The following PRORP variants were observed in gnomAD, a reference collection of about 807,000 sequenced individuals.
PRORP encodes mitochondrial ribonuclease P catalytic subunit.
A neutral mutation model predicts 59.4 loss-of-function variants in PRORP; 51 were observed. The observed-to-expected ratio is 0.86, with a 90% confidence interval of 0.69 to 1.08. PRORP has a LOEUF of 1.08. PRORP is among the 50% of genes least tolerant of loss of function. PRORP has a pLI of 0.00. For synonymous variants in PRORP, 231 were observed against 245.6 expected (o/e 0.94, Z 0.55); for missense variants, 646 against 690.3 (o/e 0.94, Z 0.72).
intron 5 of PRORP, among the ~76,000 whole-genome samples, chr14:35,264,960 G>A (rs2051004512): frequency 6.6e-6 from 1 of 152,126 alleles, no homozygotes; most frequent in African/African-American, 2.4e-5. Flanking sequence ...CTGCCCTCCA[G>A]CCTGGGCAAC....
intron 5 of PRORP, among the ~76,000 whole-genome samples, chr14:35,218,238 T>A (rs2049657066): frequency 6.6e-6 from 1 of 151,822 alleles, no homozygotes; most frequent in Non-Finnish European, 1.5e-5. Flanking sequence ...GGTGGGAGGA[T>A]CACTTGAGCC....
At position 35,273,545 on chromosome 14, in the gene PRORP, T is replaced by TAA; in HGVS notation, c.1731_1732insAA (p.Cys578AsnfsTer41). ...CCTGTGAAGTACCAACCAAATGGCTTTGCCTCCACCAAAAGACATAGAGAT... is the reference window on the plus strand; with the variant it reads ...CCTGTGAAGTACCAACCAAATGGCTTAATGCCTCCACCAAAAGACATAGAGAT... On this transcript the variant is annotated frameshift_variant, in exon 8 of 8. Transcript: ENST00000534898. LOFTEE classifies it high-confidence loss of function. 1.2e-6 allele frequency: 2 copies of TAA among 1,613,472 alleles called. No individual in the cohort carries two copies. Among genetic ancestry groups the TAA allele is most frequent in the South Asian group, 1.1e-5 (1 of 90,928 alleles).
chr14:35,168,740 C>T (rs957368443), intron 4 of PRORP, among the ~76,000 whole-genome samples: 3 of 152,174 alleles, frequency 2.0e-5, no homozygotes, highest in African/African-American at 7.2e-5. Context: ...ATAACCTTTT[C>T]AAGGGCATTG....
intron 5 of PRORP, among the ~76,000 whole-genome samples, chr14:35,237,575 A>C (rs2050254177): frequency 6.6e-6 from 1 of 152,204 alleles, no homozygotes; most frequent in Non-Finnish European, 1.5e-5. Flanking sequence ...ATCAATTTAC[A>C]GTTAATGTTT....
chr14:35,250,649 A>T (rs1412226414), intron 5 of PRORP, among the ~76,000 whole-genome samples: 2 of 152,126 alleles, frequency 1.3e-5, no homozygotes, highest in Non-Finnish European at 2.9e-5. Context: ...GTTGAACAGA[A>T]GGTAGAGAGG....
chr14:35,255,985 A>G (rs1235038255), intron 5 of PRORP, among the ~76,000 whole-genome samples: 1 of 152,024 alleles, frequency 6.6e-6, no homozygotes, highest in Non-Finnish European at 1.5e-5. Flanking sequence ...ATATTTTACA[A>G]CAAGAAAAGA....
At chr14:35,133,446 A>G (rs1368502380) in intron 4 of PRORP, among the ~76,000 whole-genome samples, 1 of 152,146 alleles carries the variant, frequency 6.6e-6, no homozygotes, top group Non-Finnish European at 1.5e-5. Flanking sequence ...GAGTTTACTC[A>G]GTAGAGCTAT....
chr14:35,179,697 C>G (rs1369303122), intron 4 of PRORP, among the ~76,000 whole-genome samples: 2 of 152,180 alleles, frequency 1.3e-5, no homozygotes, highest in Non-Finnish European at 2.9e-5. Flanking sequence ...CCTTCTTCAG[C>G]TTAGAGAAGT....
chr14:35,246,412 CCTT>C (rs2050486293), intron 5 of PRORP, among the ~76,000 whole-genome samples: 1 of 152,178 alleles, frequency 6.6e-6, no homozygotes, highest in African/African-American at 2.4e-5. Flanking sequence ...GGAATCTAAT[CCTT>C]CTTCAGCAGT....
At chr14:35,260,793 G>T (rs917296197) in intron 5 of PRORP, among the ~76,000 whole-genome samples, 141 of 152,194 alleles carry the variant, frequency 9.3e-4, no homozygotes, top group Non-Finnish European at 2.6e-4. Flanking sequence ...GTATTTAACA[G>T]TCAAGTGCTG....
chr14:35,200,349 G>A (rs1369570994), intron 5 of PRORP, among the ~76,000 whole-genome samples: 8 of 151,936 alleles, frequency 5.3e-5, no homozygotes, highest in East Asian at 1.9e-4. Flanking sequence ...CCACCACCAC[G>A]CCCAGCTAAT....
intron 5 of PRORP, among the ~76,000 whole-genome samples, chr14:35,190,638 G>A (rs1461016208): frequency 2.6e-5 from 4 of 151,724 alleles, no homozygotes; most frequent in East Asian, 2.0e-4. Context: ...CCTGAGTAGC[G>A]GGGATTACAG....
intron 5 of PRORP, among the ~76,000 whole-genome samples, chr14:35,207,918 G>A (rs1326173912): frequency 2.0e-5 from 3 of 152,148 alleles, no homozygotes; most frequent in Non-Finnish European, 4.4e-5. Context: ...TTGGGAGGCC[G>A]AGGCGGGTGG....
intron 2 of PRORP, among the ~76,000 whole-genome samples, chr14:35,126,480 C>T (rs963505174): frequency 2.0e-5 from 3 of 152,022 alleles, no homozygotes; most frequent in South Asian, 4.1e-4. Flanking sequence ...TAAGGTCAGC[C>T]GCTTTTGGTA....
chr14:35,245,661 T>C (rs2050465514), intron 5 of PRORP, among the ~76,000 whole-genome samples: 1 of 152,108 alleles, frequency 6.6e-6, no homozygotes, highest in African/African-American at 2.4e-5. Context: ...AATAATAAAG[T>C]GATGGCAGTG....
chr14:35,124,060 G>A lies in PRORP; in HGVS notation c.815G>A (p.Gly272Asp), dbSNP rs2047022964. The stretch of plus-strand genomic sequence containing the variant: ...TGGAATTTATATCAGGAATTGCTAG[G>A]TCATGATATTGTTCCTATGTTGGAA... Reference protein sequence around the residue: ...TAWNLYQELLGHDIVPMLETL... With the variant: ...TAWNLYQELLDHDIVPMLETL... The change falls in exon 2 of 8, where the codon GGT becomes GAT. Residue 272 changes from glycine (G) to aspartate (D), a missense_variant. Transcript: ENST00000534898. The A allele has an allele frequency of 3.1e-6, 5 of 1,613,778 alleles. No homozygotes were observed. Among genetic ancestry groups the A allele is most frequent in the Non-Finnish European group, 4.2e-6 (5 of 1,179,808 alleles).
intron 5 of PRORP, among the ~76,000 whole-genome samples, chr14:35,253,353 GAGAGAA>G (rs2050661906): frequency 7.0e-6 from 1 of 143,662 alleles, no homozygotes; most frequent in African/African-American, 2.6e-5. Context: ...AAGAGAGAGA[GAGAGAA>G]AGAAAGAAAG....
At chr14:35,193,019 CT>C (rs1318701682) in intron 5 of PRORP, among the ~76,000 whole-genome samples, 1 of 151,314 alleles carries the variant, frequency 6.6e-6, no homozygotes. Flanking sequence ...AAGTGGAAAG[CT>C]TCTAATGCTG....
intron 5 of PRORP, among the ~76,000 whole-genome samples, chr14:35,232,541 A>G (rs1179298471): frequency 3.3e-5 from 5 of 152,174 alleles, no homozygotes; most frequent in African/African-American, 9.6e-5. Flanking sequence ...CCAATTAAGA[A>G]GAAAACCTCC....
Sources: allele counts gnomAD v4.1 joint callset (sites outside exome capture counted in the v4.1 genomes callset), GRCh38; gene constraint gnomAD v4.1.1; transcripts MANE v1.5; gene names NCBI Gene and HGNC (gene_info 2026-07-23, HGNC 2026-07-21).